Variants in ATAD2B observed in about 807,000 individuals in gnomAD.
The protein encoded by ATAD2B is ATPase family AAA domain containing 2B, also known as ATPase family AAA domain-containing protein 2B.
In ATAD2B, 40 loss-of-function variants were observed where a neutral mutation model predicts 167.6. The ratio of observed to expected loss-of-function variants is 0.24; its 90% CI spans 0.19 to 0.31. The LOEUF (loss-of-function observed/expected upper bound fraction) is 0.31. Ranked by LOEUF, ATAD2B falls within the 10% of genes least tolerant of loss-of-function variation. The pLI, the probability that ATAD2B is intolerant of heterozygous loss-of-function variation, is 1.00. For synonymous variants in ATAD2B, 579 were observed against 596.5 expected, an observed-to-expected ratio of 0.97 and a Z score of 0.43; for missense variants, 1,242 against 1,757.2, an observed-to-expected ratio of 0.71 and a Z score of 5.24.
At chr2:23,687,921 G>A in the ATAD2B span, among the ~76,000 whole-genome samples, 5 of 152,094 alleles carry the variant, frequency 3.3e-5, no homozygotes, top group African/African-American at 4.8e-5. Flanking sequence ...GACCATGAGC[G>A]GGAGAGCTGG....
At position 23,814,899 on chromosome 2, in the gene ATAD2B, A is replaced by C. The variant is rs1686192549; in HGVS notation, c.2268-4397T>G. Reference sequence around the variant, plus strand: ...GAAACCCTGACTCTACTAAAAATACAAAAAAAATTAGCCAGGCGTGGTGGC... The same window carrying C: ...GAAACCCTGACTCTACTAAAAATACCAAAAAAATTAGCCAGGCGTGGTGGC... On this transcript the variant is annotated intron_variant, in intron 17 of 27. Transcript: ENST00000238789. Among the ~76,000 whole-genome samples, 3 of 151,516 alleles carry C rather than the reference A, an allele frequency of 2.0e-5. No homozygotes were observed. In the South Asian group the frequency reaches 6.3e-4, roughly 32 times the overall value.
intron 13 of ATAD2B, among the ~76,000 whole-genome samples, chr2:23,845,398 T>C (rs1691601068): frequency 6.6e-6 from 1 of 152,000 alleles, no homozygotes; most frequent in Non-Finnish European, 1.5e-5. Flanking sequence ...TATTATATCA[T>C]GGATGTTCCT....
At chr2:23,850,577 C>T (rs1692413668) in intron 13 of ATAD2B, among the ~76,000 whole-genome samples, 1 of 151,978 alleles carries the variant, frequency 6.6e-6, no homozygotes, top group East Asian at 1.9e-4. Context: ...TGTTTGAGTC[C>T]AACTATATGA....
At chr2:23,829,048 C>A (rs1257980401) in intron 14 of ATAD2B, 109 bp from the exon 15 acceptor site, 2 of 677,138 alleles carry the variant, frequency 3.0e-6, no homozygotes, top group Non-Finnish European at 5.0e-6. Flanking sequence ...GACTAACAAT[C>A]CCATTAAAAT....
chr2:23,842,630 A>C (rs1215684415), intron 13 of ATAD2B, among the ~76,000 whole-genome samples: 2 of 152,154 alleles, frequency 1.3e-5, no homozygotes, highest in Non-Finnish European at 2.9e-5. Flanking sequence ...TTAACTTTTC[A>C]GCATAAGAGT....
At chr2:23,686,434 G>A in the ATAD2B span, among the ~76,000 whole-genome samples, 2,160 of 152,246 alleles carry the variant, frequency 0.014, 21 homozygotes, top group Middle Eastern at 0.027. Context: ...CCTCTCCTGC[G>A]CCCTGGGCTT....
intron 21 of ATAD2B, among the ~76,000 whole-genome samples, chr2:23,783,736 A>G (rs1186092982): frequency 6.6e-6 from 1 of 152,046 alleles, no homozygotes; most frequent in Non-Finnish European, 1.5e-5. Context: ...GACCAACAAG[A>G]AAGTGTTAGC....
the ATAD2B span, among the ~76,000 whole-genome samples, chr2:23,736,007 G>A: frequency 6.6e-6 from 1 of 152,134 alleles, no homozygotes; most frequent in African/African-American, 2.4e-5. Flanking sequence ...TTACATCTAA[G>A]TATTCAAAAA....
At chr2:23,818,412 A>C (rs996400078) in intron 17 of ATAD2B, among the ~76,000 whole-genome samples, 1 of 151,632 alleles carries the variant, frequency 6.6e-6, no homozygotes, top group Non-Finnish European at 1.5e-5. Flanking sequence ...ACTATCAATA[A>C]AACAAATCTG....
intron 13 of ATAD2B, among the ~76,000 whole-genome samples, chr2:23,854,240 G>A (rs1218469310): frequency 6.6e-6 from 1 of 150,970 alleles, no homozygotes; most frequent in African/African-American, 2.4e-5. Flanking sequence ...GTGACACTCC[G>A]TCTCAAAGAA....
At chr2:23,826,644 T>G (rs935101712) in intron 15 of ATAD2B, among the ~76,000 whole-genome samples, 3 of 152,182 alleles carry the variant, frequency 2.0e-5, no homozygotes, top group Non-Finnish European at 2.9e-5. Flanking sequence ...TTTATAAAGT[T>G]TTAAGTACAG....
the ATAD2B span, among the ~76,000 whole-genome samples, chr2:23,694,538 T>TCCACAGGGGAAA: frequency 1.3e-5 from 2 of 152,144 alleles, no homozygotes; most frequent in Non-Finnish European, 1.5e-5. Context: ...CCTCGTCGAC[T>TCCACAGGGGAAA]CCACAGGGGA....
At chr2:23,875,389 A>T (rs776101533) in intron 8 of ATAD2B, among the ~76,000 whole-genome samples, 19 of 151,816 alleles carry the variant, frequency 1.3e-4, no homozygotes, top group Non-Finnish European at 2.5e-4. Context: ...AATCCCAGCT[A>T]CTCGGGAGGC....
intron 17 of ATAD2B, among the ~76,000 whole-genome samples, chr2:23,819,333 A>T (rs1455098418): frequency 1.3e-5 from 2 of 152,118 alleles, no homozygotes; most frequent in African/African-American, 4.8e-5. Context: ...TCTACTAAAA[A>T]TGCAAAAATT....
the ATAD2B span, among the ~76,000 whole-genome samples, chr2:23,741,179 C>T: frequency 6.6e-6 from 1 of 151,674 alleles, no homozygotes; most frequent in Non-Finnish European, 1.5e-5. Flanking sequence ...CAATGACTTT[C>T]TTCACAGAAT....
chr2:23,708,687 G>A, the ATAD2B span: 3 of 152,152 alleles, frequency 2.0e-5, no homozygotes, highest in Non-Finnish European at 2.9e-5. Context: ...TACATCAGCT[G>A]TATGGGTTCT....
chr2:23,809,575 G>A (rs998007842), intron 18 of ATAD2B, among the ~76,000 whole-genome samples: 4 of 152,106 alleles, frequency 2.6e-5, no homozygotes, highest in African/African-American at 7.2e-5. Context: ...AGTAGGCTAA[G>A]TATCGAAGTA....
At chr2:23,912,110 A>G (rs1265217079) in intron 1 of ATAD2B, among the ~76,000 whole-genome samples, 2 of 152,194 alleles carry the variant, frequency 1.3e-5, no homozygotes, top group Non-Finnish European at 2.9e-5. Context: ...CATAAACAAA[A>G]TAAGTCAGAA....
rs759714301 is a variant in ATAD2B at position 23,786,077 on chromosome 2, C to T, written c.2923G>A (p.Ala975Thr). 2.5e-6 allele frequency: 4 copies of T among 1,612,036 alleles called. No homozygotes were observed. The Admixed American group carries it at 5.0e-5, about 20-fold the overall frequency. The change falls in exon 21 of 28, where the codon GCC becomes ACC. Residue 975 changes from alanine to threonine, a missense_variant. Transcript: ENST00000238789. ...LFLRDVTKRL[A>T]TDKRFNIFSK... ...AAGATGTTAAAGCGTTTATCTGTGG[C>T]CAGCCTCTTGGTTACATCCCTGAGA... is the stretch of plus-strand genomic sequence containing the variant.
Sources: gnomAD v4.1 joint callset for allele counts (sites outside exome capture counted in the v4.1 genomes callset) on GRCh38, gnomAD v4.1.1 for gene constraint, MANE v1.5 for transcripts, NCBI Gene and HGNC (gene_info 2026-07-23, HGNC 2026-07-21) for gene names.